Variants in PFKFB3 observed in about 807,000 individuals in gnomAD.
PFKFB3 encodes 6-phosphofructo-2-kinase/fructose-2,6-bisphosphatase 3.
PFKFB3 carries 33 observed loss-of-function variants against 68.0 expected under a neutral mutation model. That is an observed-to-expected ratio of 0.49 (90% CI 0.37 to 0.65). The LOEUF (loss-of-function observed/expected upper bound fraction) is 0.65. PFKFB3 is among the 30% of genes least tolerant of loss of function. The probability of loss-of-function intolerance (pLI) is 0.00; values close to 1 mark genes in which losing one functional copy is unlikely to be tolerated. For synonymous variants in PFKFB3, 315 were observed against 288.2 expected (o/e 1.09, Z -0.94); for missense variants, 586 against 712.2 (o/e 0.82, Z 2.02).
chr10:6,170,465 C>A (rs3763699), intron 1 of PFKFB3, among the ~76,000 whole-genome samples: 2 of 152,012 alleles, frequency 1.3e-5, no homozygotes, highest in African/African-American at 4.8e-5. Context: ...GCCTGTAATC[C>A]CAGCACTTTG....
intron 14 of PFKFB3, among the ~76,000 whole-genome samples, chr10:6,252,186 G>A (rs1367164870): frequency 6.6e-6 from 1 of 152,136 alleles, no homozygotes; most frequent in African/African-American, 2.4e-5. Context: ...GTGTATTTAT[G>A]GGAGAGCCTT....
chr10:6,168,104 GTCT>G (rs1842195477), intron 1 of PFKFB3, among the ~76,000 whole-genome samples: 1 of 152,150 alleles, frequency 6.6e-6, no homozygotes, highest in Non-Finnish European at 1.5e-5. Context: ...AAATCACATT[GTCT>G]TCTTTCCCTA....
At chr10:6,223,129 C>A (rs577531249) in intron 11 of PFKFB3, 145 bp downstream of exon 11, 1 of 768,410 alleles carries the variant, frequency 1.3e-6, no homozygotes. Context: ...TGTCGGCTCC[C>A]GGCTGCTTCA....
intron 1 of PFKFB3, among the ~76,000 whole-genome samples, chr10:6,183,153 C>A (rs1252444363): frequency 6.6e-6 from 1 of 152,172 alleles, no homozygotes; most frequent in Non-Finnish European, 1.5e-5. Flanking sequence ...AAGAATTTAT[C>A]CAATCTTCTT....
chr10:6,240,779 C>T (rs545667970), intron 14 of PFKFB3, among the ~76,000 whole-genome samples: 4 of 152,330 alleles, frequency 2.6e-5, no homozygotes, highest in African/African-American at 9.6e-5. Context: ...TCTGTTTCAG[C>T]ATCCAGAGTC....
chr10:6,224,298 G>T (rs535874847), intron 13 of PFKFB3, 85 bp downstream of exon 13: 1 of 1,373,790 alleles, frequency 7.3e-7, no homozygotes, highest in Non-Finnish European at 1.0e-6. Flanking sequence ...CCCCGGGGCC[G>T]CTTGCCTGCA....
At position 6,204,309 on chromosome 10, in the gene PFKFB3, G is replaced by T. The variant is rs528701476; in HGVS notation, c.76+973G>T. On this transcript the variant is annotated intron_variant, in intron 1 of 14. Coordinates refer to ENST00000379775, the MANE Select transcript of PFKFB3 (RefSeq NM_004566.4). ...CCTGGTGCGGTTTTGCCCAGGTCAG[G>T]TCGTAGCCTGAGTAGTGACCGTGGG... is the stretch of plus-strand genomic sequence containing the variant. 7.2e-5 allele frequency among the ~76,000 whole-genome samples: 11 copies of T among 152,390 alleles called. No homozygotes were observed. The East Asian group carries it at 2.1e-3, about 29-fold the overall frequency.
intron 13 of PFKFB3, 31 bp from the exon 14 acceptor site, chr10:6,226,161 C>A: frequency 6.5e-7 from 1 of 1,529,112 alleles, no homozygotes; most frequent in Non-Finnish European, 8.8e-7. Flanking sequence ...GTAACTGTCG[C>A]CTTTCTCTCT....
At chr10:6,180,521 G>A (rs1426521056) in intron 1 of PFKFB3, among the ~76,000 whole-genome samples, 1 of 152,158 alleles carries the variant, frequency 6.6e-6, no homozygotes, top group Non-Finnish European at 1.5e-5. Flanking sequence ...CTGGAGTACA[G>A]TGGCTCAGCC....
chr10:6,155,907 T>C (rs1841766983), intron 1 of PFKFB3, among the ~76,000 whole-genome samples: 1 of 152,178 alleles, frequency 6.6e-6, no homozygotes, highest in Admixed American at 6.5e-5. Flanking sequence ...GCTTGAAACT[T>C]TGGAAGATAT....
chr10:6,249,872 C>T (rs59586022), intron 14 of PFKFB3, among the ~76,000 whole-genome samples: 5,126 of 152,166 alleles, frequency 0.034, 309 homozygotes, highest in African/African-American at 0.12. Context: ...TTTGAGGTGA[C>T]GTATATGTTA....
chr10:6,198,151 C>T (rs1011878238), upstream of PFKFB3, among the ~76,000 whole-genome samples: 5 of 150,204 alleles, frequency 3.3e-5, no homozygotes, highest in Non-Finnish European at 7.4e-5. Flanking sequence ...GAGGCTGAGG[C>T]AGGAGAATCG....
rs372223611 is a variant in PFKFB3, at chr10:6,226,412, C to T, written c.1515+47C>T. 51 of 1,544,360 alleles carry T rather than the reference C, an allele frequency of 3.3e-5. No individual in the cohort carries two copies. In the African/African-American group the frequency reaches 3.4e-4, roughly 10 times the overall value. On this transcript the variant is annotated intron_variant, in intron 14 of 14. Transcript: ENST00000379775. ...TCCTGCCTGGGGGACGCATGCCGGG[C>T]GTGATGCCACAGATCTGGGATTGCG...
the PFKFB3 span, among the ~76,000 whole-genome samples, chr10:6,303,409 A>G: frequency 9.0e-4 from 137 of 152,354 alleles, no homozygotes; most frequent in African/African-American, 3.2e-3. Flanking sequence ...TCAGAGTGCA[A>G]CGATGGTTTC....
At chr10:6,259,761 C>T in the PFKFB3 span, among the ~76,000 whole-genome samples, 4 of 152,234 alleles carry the variant, frequency 2.6e-5, no homozygotes, top group Non-Finnish European at 5.9e-5. Flanking sequence ...AATCTTACCT[C>T]CAGCCTTTAC....
chr10:6,182,445 G>A (rs185931418), intron 1 of PFKFB3, among the ~76,000 whole-genome samples: 16 of 152,268 alleles, frequency 1.1e-4, no homozygotes, highest in Admixed American at 3.3e-4. Context: ...TGGTGCTGCC[G>A]GCAGCCTTTC....
At chr10:6,276,198 A>G in the PFKFB3 span, among the ~76,000 whole-genome samples, 1 of 152,216 alleles carries the variant, frequency 6.6e-6, no homozygotes, top group South Asian at 2.1e-4. Flanking sequence ...CCTTTGAATC[A>G]GGTTCATGGG....
chr10:6,291,002 A>G, the PFKFB3 span, among the ~76,000 whole-genome samples: 1 of 152,168 alleles, frequency 6.6e-6, no homozygotes, highest in East Asian at 1.9e-4. Flanking sequence ...TTTGTTGCAT[A>G]CATGAGTTTC....
the PFKFB3 span, among the ~76,000 whole-genome samples, chr10:6,281,416 A>G: frequency 6.6e-6 from 1 of 151,986 alleles, no homozygotes; most frequent in African/African-American, 2.4e-5. Context: ...AGTGAAGCCC[A>G]GACTGTGTAG....
Sources: allele counts gnomAD v4.1 joint callset (sites outside exome capture counted in the v4.1 genomes callset), GRCh38; gene constraint gnomAD v4.1.1; transcripts MANE v1.5; gene names NCBI Gene and HGNC (gene_info 2026-07-23, HGNC 2026-07-21).